Variants in AP1G1 observed in about 807,000 individuals in gnomAD.
AP1G1 encodes the protein adaptor related protein complex 1 subunit gamma 1.
Under a neutral mutation model 108.3 loss-of-function variants are expected in AP1G1, and 7 were observed. The observed-to-expected ratio is 0.06, with a 90% CI of 0.04 to 0.12. AP1G1 has a LOEUF of 0.12. AP1G1 is among the 10% of genes least tolerant of loss of function. The pLI is 1.00. For missense variants in AP1G1, 756 were observed against 1,010.7 expected (o/e 0.75, Z 3.42); for synonymous variants, 379 against 353.5 (o/e 1.07, Z -0.81).
intron 10 of AP1G1, among the ~76,000 whole-genome samples, chr16:71,760,992 C>T (rs1041021890): frequency 6.6e-6 from 1 of 152,148 alleles, no homozygotes; most frequent in African/African-American, 2.4e-5. Flanking sequence ...CTAGAGTTCA[C>T]AAAGACATTC....
chr16:71,802,662 G>A (rs185336962), intron 1 of AP1G1, among the ~76,000 whole-genome samples: 31 of 151,834 alleles, frequency 2.0e-4, no homozygotes, highest in African/African-American at 4.6e-4. Context: ...CCCAGGAGGC[G>A]GAGGTTGAGG....
intron 1 of AP1G1, among the ~76,000 whole-genome samples, chr16:71,803,629 C>T (rs955053184): frequency 2.6e-5 from 4 of 151,982 alleles, no homozygotes; most frequent in East Asian, 1.9e-4. Context: ...AAACTTAACA[C>T]GTATCTTCAA....
chr16:71,753,929 T>C, intron 12 of AP1G1, 42 bp from the exon 13 acceptor site: 2 of 1,583,200 alleles, frequency 1.3e-6, no homozygotes, highest in Non-Finnish European at 1.7e-6. Context: ...ACCAGTAAAA[T>C]ATACCGTTTT....
chr16:71,777,278 G>T (rs911733808), intron 2 of AP1G1, among the ~76,000 whole-genome samples: 27 of 151,370 alleles, frequency 1.8e-4, no homozygotes, highest in East Asian at 1.9e-4. Flanking sequence ...GAGGCTAGGG[G>T]ATGCAGAGGT....
chr16:71,774,667 C>T (rs1389350885), intron 2 of AP1G1, 75 bp from the exon 3 acceptor site: 1 of 1,455,550 alleles, frequency 6.9e-7, no homozygotes, highest in Non-Finnish European at 9.2e-7. Flanking sequence ...GTTTTTAACC[C>T]AGAGTCCCCA....
At chr16:71,738,893 C>T (rs760012198) in intron 21 of AP1G1, 49 bp downstream of exon 21, 1 of 1,443,622 alleles carries the variant, frequency 6.9e-7, no homozygotes, top group East Asian at 2.4e-5. Flanking sequence ...AAAAAAAAAG[C>T]CAGCCAATCT....
chr16:71,800,012 G>A (rs1173354220), intron 1 of AP1G1, among the ~76,000 whole-genome samples: 1 of 151,236 alleles, frequency 6.6e-6, no homozygotes, highest in African/African-American at 2.4e-5. Context: ...CTCAAGCCCA[G>A]GAGTTCGAGA....
In AP1G1 at chr16:71,745,631, T is replaced by G. The variant is rs1179402166; in HGVS notation, c.1731-17A>C. On this transcript the variant is annotated splice_polypyrimidine_tract_variant and intron_variant, in intron 17 of 22. Transcript: ENST00000299980. ...AGGGCAGACCTAGAAGAATCTGAAGTGGTTAAATTCTAGGCAGTTAACCTA... is the reference window on the plus strand; with the variant it reads ...AGGGCAGACCTAGAAGAATCTGAAGGGGTTAAATTCTAGGCAGTTAACCTA... 6.2e-6 allele frequency: 10 copies of G among 1,610,450 alleles called. No individual in the cohort carries two copies. The highest frequency in any genetic ancestry group is 8.5e-6 in the Non-Finnish European group (10 of 1,176,792).
rs776717308 is a variant in AP1G1, at chr16:71,736,384, C to CT, written c.2269-1678dup. ...ACATAGTAGAACCTATAAAATATGA[C>CT]TTTTTTTTTTTTTTTAGATGGAGTC... is the stretch of plus-strand genomic sequence containing the variant. On this transcript the variant is annotated intron_variant, in intron 21 of 22. Transcript: ENST00000299980. 7.3e-3 allele frequency among the ~76,000 whole-genome samples: 983 copies of CT among 135,126 alleles called. 12 individuals are homozygous for CT. The highest frequency in any genetic ancestry group is 0.02 in the Admixed American group (270 of 13,260). The allele number at this position is 135,126 out of a possible 152,430, so 88.6% of individuals were successfully genotyped here. A position where few individuals can be genotyped will look rare whatever the true frequency, so the allele number is the denominator to read the frequency against.
intron 2 of AP1G1, among the ~76,000 whole-genome samples, chr16:71,787,571 G>A (rs767590337): frequency 1.3e-5 from 2 of 152,256 alleles, no homozygotes; most frequent in East Asian, 1.9e-4. Context: ...AATGCTTATC[G>A]CTGAGGAATT....
chr16:71,778,632 G>A (rs1176581907), intron 2 of AP1G1, among the ~76,000 whole-genome samples: 1 of 149,640 alleles, frequency 6.7e-6, no homozygotes, highest in Non-Finnish European at 1.5e-5. Context: ...GCAGTGAGCT[G>A]AGATCGCGCC....
At chr16:71,753,441 C>T (rs1348741326) in intron 13 of AP1G1, 1 of 167,598 alleles carries the variant, frequency 6.0e-6, no homozygotes, top group Non-Finnish European at 1.3e-5. Flanking sequence ...CACTTGCCTT[C>T]CTGTTGCTCT....
At position 71,765,601 on chromosome 16, in the gene AP1G1, T is replaced by C. The variant is rs2031278395; in HGVS notation, c.643-17A>G. ...GGGCACAAGCTGCAGAGAAGAAAGA[T>C]GCATCAAAAAACAGTGAATATTGAA... On this transcript the variant is annotated splice_polypyrimidine_tract_variant and intron_variant, in intron 6 of 22. Transcript: ENST00000299980. 1.3e-6 allele frequency: 2 copies of C among 1,584,832 alleles called. No individual in the cohort carries two copies. The highest frequency in any genetic ancestry group is 1.7e-6 in the Non-Finnish European group (2 of 1,153,746).
intron 14 of AP1G1, 54 bp downstream of exon 14, chr16:71,750,155 AC>A: frequency 1.3e-6 from 2 of 1,596,268 alleles, no homozygotes; most frequent in Non-Finnish European, 1.7e-6. Context: ...AGAAAAACAT[AC>A]CAGAAAAATT....
Position 71,749,990 on chromosome 16 carries a change from A to G in AP1G1, c.1408-7T>C, listed in dbSNP as rs752626421. 7 of 1,607,888 alleles carry G rather than the reference A, an allele frequency of 4.4e-6. 1 individual carries two copies. In the Admixed American group the frequency reaches 8.3e-5, roughly 19 times the overall value. On this transcript the variant is annotated splice_polypyrimidine_tract_variant and splice_region_variant and intron_variant, in intron 14 of 22. Transcript: ENST00000299980. Reference sequence around the variant, plus strand: ...CCACTTGTACCAAAGGTTGCTGTGAAAAGAAAAGTCAACGTTTCTCAAGAA... The same window carrying G: ...CCACTTGTACCAAAGGTTGCTGTGAGAAGAAAAGTCAACGTTTCTCAAGAA...
chr16:71,781,173 AATC>A (rs1407384683), intron 2 of AP1G1, among the ~76,000 whole-genome samples: 5 of 152,102 alleles, frequency 3.3e-5, no homozygotes, highest in African/African-American at 1.2e-4. Context: ...ACACACCTAA[AATC>A]ATCATTTTTG....
At chr16:71,787,354 T>C (rs988917358) in intron 2 of AP1G1, among the ~76,000 whole-genome samples, 3 of 144,732 alleles carry the variant, frequency 2.1e-5, no homozygotes, top group Non-Finnish European at 4.5e-5. Context: ...ATTAGCTGGG[T>C]GTGGTGCCAT....
chr16:71,777,902 G>A (rs2031852891), intron 2 of AP1G1: 1 of 199,060 alleles, frequency 5.0e-6, no homozygotes, highest in African/African-American at 2.4e-5. Context: ...CTGGACAGTG[G>A]AGGGCGGCTG....
rs547677680 is a variant in AP1G1 at position 71,766,738 on chromosome 16, A to T, written c.643-1154T>A. On this transcript the variant is annotated intron_variant, in intron 6 of 22. Transcript: ENST00000299980. ...TGAAAAGCCAAGCTATATCCAAGGCATGCACTCAAAGCATTCAAAACATTA... is the reference window on the plus strand; with the variant it reads ...TGAAAAGCCAAGCTATATCCAAGGCTTGCACTCAAAGCATTCAAAACATTA... Among the ~76,000 whole-genome samples the T allele has an allele frequency of 3.3e-5, 5 of 152,350 alleles. No individual in the cohort carries two copies. The East Asian group carries it at 9.6e-4, about 29-fold the overall frequency.
Sources: gnomAD v4.1 joint callset for allele counts (sites outside exome capture counted in the v4.1 genomes callset) on GRCh38, gnomAD v4.1.1 for gene constraint, MANE v1.5 for transcripts, NCBI Gene and HGNC (gene_info 2026-07-23, HGNC 2026-07-21) for gene names.